Variants in DPP10 observed in about 807,000 individuals in gnomAD.
The protein encoded by DPP10 is dipeptidyl peptidase like 10.
In DPP10, 33 loss-of-function variants were observed where a neutral mutation model predicts 120.9. The observed-to-expected ratio is 0.27, with a 90% CI of 0.21 to 0.37. The LOEUF (loss-of-function observed/expected upper bound fraction) is 0.37. Ranked by LOEUF, DPP10 falls within the 10% of genes least tolerant of loss-of-function variation. The pLI is 1.00. For missense variants in DPP10, 816 were observed against 942.8 expected (o/e 0.87, Z 1.76); for synonymous variants, 337 against 326.1 (o/e 1.03, Z -0.36).
chr2:115,472,084 C>T lies in DPP10; in HGVS notation c.272-27426C>T, dbSNP rs529874878. ...AAAAACATTCCTTGAGATTAATTCT[C>T]CTGGCTGTGTTGTGCAATCCTTCTA... On this transcript the variant is annotated intron_variant, in intron 3 of 25. Transcript: ENST00000410059. 2.0e-5 allele frequency among the ~76,000 whole-genome samples: 3 copies of T among 152,200 alleles called. No homozygotes were observed. The East Asian group carries it at 5.8e-4, about 29-fold the overall frequency.
intron 3 of DPP10, among the ~76,000 whole-genome samples, chr2:115,385,426 C>T (rs1218688734): frequency 6.6e-6 from 1 of 151,500 alleles, no homozygotes; most frequent in African/African-American, 2.4e-5. Flanking sequence ...CACAATCTTG[C>T]CTCACTGCAA....
intron 1 of DPP10, among the ~76,000 whole-genome samples, chr2:114,452,137 C>A (rs1430091): frequency 0.26 from 40,055 of 151,918 alleles, 5,715 homozygotes; most frequent in African/African-American, 0.35. Context: ...ATATACTGAC[C>A]ATCATTCTCT....
At chr2:114,500,844 G>A (rs1415063836) in intron 1 of DPP10, among the ~76,000 whole-genome samples, 1 of 152,178 alleles carries the variant, frequency 6.6e-6, no homozygotes, top group East Asian at 1.9e-4. Context: ...GAAGATCAAG[G>A]CAGGAGTCCG....
chr2:115,468,430 C>T (rs2074468932), intron 3 of DPP10: 1 of 463,472 alleles, frequency 2.2e-6, no homozygotes, highest in Non-Finnish European at 4.3e-6. Context: ...GTTAATAATC[C>T]CAGGGCTGGC....
intron 3 of DPP10, among the ~76,000 whole-genome samples, chr2:115,354,053 C>T (rs1156770365): frequency 6.6e-6 from 1 of 151,880 alleles, no homozygotes; most frequent in Non-Finnish European, 1.5e-5. Flanking sequence ...TGTAATTGTT[C>T]TTATATGATT....
intron 1 of DPP10, among the ~76,000 whole-genome samples, chr2:114,752,971 GC>G (rs1375399018): frequency 6.6e-6 from 1 of 152,212 alleles, no homozygotes; most frequent in African/African-American, 2.4e-5. Flanking sequence ...GATCCTGTGA[GC>G]ATCCCTTGAT....
intron 5 of DPP10, among the ~76,000 whole-genome samples, chr2:115,641,482 C>T (rs2086774316): frequency 6.6e-6 from 1 of 152,132 alleles, no homozygotes; most frequent in African/African-American, 2.4e-5. Flanking sequence ...ACTACCTCTT[C>T]AGAGAGACCT....
chr2:115,791,355 A>G lies in DPP10; in HGVS notation c.1699A>G (p.Met567Val), dbSNP rs1283095445. ...DRNQYALLLI[M>V]DEEPGGQLVT... ...AAACCAGTATGCTCTTCTGTTAATA[A>G]TGTAAGTATTTTATTTGTTTTTAAA... Residue 567 changes from methionine to valine, a missense_variant and splice_region_variant, in exon 19 of 26, where the codon ATG becomes GTG. Met to Val is a conservative substitution (Grantham distance 21). This residue lies in a region of DPP10 where 592 missense variants were observed against 649.0 expected (regional missense o/e 0.91). Transcript: ENST00000410059. The G allele has an allele frequency of 6.3e-7, 1 of 1,596,022 alleles. No individual in the cohort carries two copies. The highest frequency in any genetic ancestry group is 2.2e-5 in the East Asian group (1 of 44,650).
chr2:115,146,917 C>T (rs566458142), intron 1 of DPP10, among the ~76,000 whole-genome samples: 3 of 152,250 alleles, frequency 2.0e-5, no homozygotes, highest in Admixed American at 6.5e-5. Context: ...TTAGACTTCA[C>T]AGCCTGTAGA....
chr2:114,939,720 C>T (rs532890295), intron 1 of DPP10, among the ~76,000 whole-genome samples: 2 of 152,156 alleles, frequency 1.3e-5, no homozygotes, highest in Non-Finnish European at 2.9e-5. Flanking sequence ...GTATAAACAC[C>T]TTAGAACTTG....
At chr2:115,359,174 A>AT (rs760853058) in intron 3 of DPP10, among the ~76,000 whole-genome samples, 12 of 152,150 alleles carry the variant, frequency 7.9e-5, no homozygotes, top group Admixed American at 2.6e-4. Context: ...CCCTGTGATC[A>AT]TGTTATTACC....
intron 4 of DPP10, among the ~76,000 whole-genome samples, chr2:115,505,374 A>T (rs1481150764): frequency 1.3e-5 from 2 of 152,144 alleles, no homozygotes; most frequent in African/African-American, 4.8e-5. Context: ...ATCTTGTCTG[A>T]CAGAGCCTAT....
chr2:115,565,151 A>G (rs963819376), intron 5 of DPP10, among the ~76,000 whole-genome samples: 2 of 152,188 alleles, frequency 1.3e-5, no homozygotes, highest in East Asian at 1.9e-4. Context: ...ATGTGTGTAT[A>G]TATGTATGTA....
rs190339233 is a variant in DPP10 at position 114,657,208 on chromosome 2, T to G, written c.60+214370T>G. Among the ~76,000 whole-genome samples the G allele has an allele frequency of 3.2e-4, 48 of 152,290 alleles. No individual in the cohort carries two copies. The East Asian group carries it at 8.1e-3, about 26-fold the overall frequency. On this transcript the variant is annotated intron_variant, in intron 1 of 25. Coordinates refer to ENST00000410059, the MANE Select transcript of DPP10 (RefSeq NM_020868.6). ...CATAAAAAGTTTCTAAGAAAATGTGTAATATAACCTATTCTCCTTCTATTT... is the reference window on the plus strand; with the variant it reads ...CATAAAAAGTTTCTAAGAAAATGTGGAATATAACCTATTCTCCTTCTATTT...
At chr2:114,632,973 A>G (rs1204307798) in intron 1 of DPP10, among the ~76,000 whole-genome samples, 2 of 151,792 alleles carry the variant, frequency 1.3e-5, no homozygotes, top group African/African-American at 4.8e-5. Flanking sequence ...TTATTCCAGG[A>G]TCTCCTTACC....
chr2:115,569,071 T>C (rs1176118487), intron 5 of DPP10, among the ~76,000 whole-genome samples: 1 of 152,228 alleles, frequency 6.6e-6, no homozygotes, highest in Non-Finnish European at 1.5e-5. Context: ...CTTACATGGA[T>C]ACTTTGCAAC....
chr2:115,678,788 T>C (rs555346274), intron 5 of DPP10, among the ~76,000 whole-genome samples: 1 of 152,320 alleles, frequency 6.6e-6, no homozygotes, highest in African/African-American at 2.4e-5. Context: ...CTGGGGGCTC[T>C]ACTCTAAAGC....
intron 5 of DPP10, among the ~76,000 whole-genome samples, chr2:115,634,505 A>T (rs1213972610): frequency 2.0e-5 from 3 of 151,800 alleles, no homozygotes; most frequent in African/African-American, 7.3e-5. Flanking sequence ...TCCACTCCAG[A>T]CTCTATTTAC....
chr2:114,836,472 G>C (rs1347744159), intron 1 of DPP10, among the ~76,000 whole-genome samples: 2 of 152,142 alleles, frequency 1.3e-5, no homozygotes, highest in Non-Finnish European at 2.9e-5. Context: ...GTTTTTATTA[G>C]TGATTTTCAA....
Sources: gnomAD v4.1 joint callset for allele counts (sites outside exome capture counted in the v4.1 genomes callset) on GRCh38, gnomAD v4.1.1 for gene constraint, gnomAD v4.1.1 regional missense constraint, MANE v1.5 for transcripts, NCBI Gene and HGNC (gene_info 2026-07-23, HGNC 2026-07-21) for gene names.